The following LTBP2 variants were observed in gnomAD, a reference collection of about 807,000 sequenced individuals.
The protein encoded by LTBP2 is latent transforming growth factor beta binding protein 2.
Under a neutral mutation model 210.6 loss-of-function variants are expected in LTBP2, and 103 were observed. The ratio of observed to expected loss-of-function variants is 0.49; its 90% CI spans 0.42 to 0.58. The LOEUF is 0.58. Ranked by LOEUF, LTBP2 falls within the 20% of genes least tolerant of loss-of-function variation. LTBP2 has a pLI of 0.00. For synonymous variants in LTBP2, 1,007 were observed against 1,015.0 expected, an observed-to-expected ratio of 0.99 and a Z score of 0.15; for missense variants, 2,313 against 2,494.5, an observed-to-expected ratio of 0.93 and a Z score of 1.55.
intron 15 of LTBP2, among the ~76,000 whole-genome samples, chr14:74,524,601 C>T (rs1365304563): frequency 6.6e-6 from 1 of 152,142 alleles, no homozygotes; most frequent in Non-Finnish European, 1.5e-5. Context: ...CCAGGATCGC[C>T]CCCACACCCG....
At chr14:74,550,684 A>G (rs180969792) in intron 7 of LTBP2, among the ~76,000 whole-genome samples, 9 of 152,184 alleles carry the variant, frequency 5.9e-5, no homozygotes, top group Admixed American at 2.6e-4. Flanking sequence ...TGTGACCCCA[A>G]CTGTAGCCTC....
chr14:74,551,328 C>G lies in LTBP2; in HGVS notation c.1422G>C (p.Val474=), dbSNP rs577223452. 2 of 1,584,992 alleles carry G rather than the reference C, an allele frequency of 1.3e-6. No homozygotes were observed. The highest frequency in any genetic ancestry group is 2.7e-5 in the African/African-American group (2 of 74,570). The change falls in exon 7 of 36, where the codon GTG becomes GTC. Residue 474 remains valine (V), a synonymous_variant. Transcript: ENST00000261978. ...NQLASVNPSL[V]KVHIHHPPEA... is the part of the protein sequence containing the mutation. ...CGGGTGGGTGGTGAATGTGCACCTTCACCAGGGAGGGGTTCACGGAGGCTG... is the reference window on the plus strand; with the variant it reads ...CGGGTGGGTGGTGAATGTGCACCTTGACCAGGGAGGGGTTCACGGAGGCTG...
chr14:74,540,820 ATTTT>A (rs1176431985), intron 8 of LTBP2, among the ~76,000 whole-genome samples: 7 of 19,526 alleles, frequency 3.6e-4, no homozygotes, highest in South Asian at 1.2e-3. Flanking sequence ...ATATATATAT[ATTTT>A]TATATAATAT....
In LTBP2 at chr14:74,611,471, C is replaced by CA; in HGVS notation, c.473_474insT (p.Pro159AlafsTer67). 6.7e-7 allele frequency: 1 copy of CA among 1,494,694 alleles called. No individual in the cohort carries two copies. Among genetic ancestry groups the CA allele is most frequent in the East Asian group, 2.5e-5 (1 of 39,850 alleles). 92.6% of individuals were successfully genotyped at this position (1,494,694 alleles called of 1,614,324 possible). On this transcript the variant is annotated frameshift_variant, in exon 1 of 36. Transcript: ENST00000261978. LOFTEE classifies it high-confidence loss of function. ...CTCACCCCGTGAGCCGCCCTCGCGG[C>CA]GGGGTTGGGGGCGCAGCCCCAGACC...
At chr14:74,556,763 C>G (rs908529875) in intron 3 of LTBP2, among the ~76,000 whole-genome samples, 1 of 152,182 alleles carries the variant, frequency 6.6e-6, no homozygotes, top group Admixed American at 6.5e-5. Context: ...GGTGATCCGC[C>G]CACCTTGGCC....
At chr14:74,503,869 T>C in intron 31 of LTBP2, 57 bp downstream of exon 31, 1 of 1,600,644 alleles carries the variant, frequency 6.2e-7, no homozygotes, top group Non-Finnish European at 8.5e-7. Context: ...AGGGGCTGGG[T>C]GGGCCATTAT....
At chr14:74,558,635 C>G (rs2087757955) in intron 3 of LTBP2, among the ~76,000 whole-genome samples, 1 of 152,048 alleles carries the variant, frequency 6.6e-6, no homozygotes, top group Admixed American at 6.5e-5. Context: ...GCTCTCCAGT[C>G]TGGTCAGGAT....
intron 19 of LTBP2, 137 bp from the exon 20 acceptor site, chr14:74,510,350 G>A (rs1238921870): frequency 3.1e-6 from 4 of 1,283,352 alleles, no homozygotes; most frequent in Non-Finnish European, 4.4e-6. Flanking sequence ...GGGAGGCCAT[G>A]AGGCCATGCT....
intron 3 of LTBP2, among the ~76,000 whole-genome samples, chr14:74,571,907 A>G (rs1303933967): frequency 6.6e-6 from 1 of 152,104 alleles, no homozygotes; most frequent in African/African-American, 2.4e-5. Flanking sequence ...CTTTTCAAAA[A>G]GTACTCCACT....
In LTBP2 at chr14:74,499,546, C is replaced by T; in HGVS notation, c.*1338G>A. 4.4e-6 allele frequency: 1 copy of T among 228,948 alleles called. No homozygotes were observed. The highest frequency in any genetic ancestry group is 8.7e-6 in the Non-Finnish European group (1 of 115,350). 14.2% of individuals were successfully genotyped at this position (228,948 alleles called of 1,614,324 possible). A position where few individuals can be genotyped will look rare whatever the true frequency, so the allele number is the denominator to read the frequency against. Reference sequence around the variant, plus strand: ...ACTTCCATGCTCCAGTCACATGGAGCCTTGTTCATTTACATTGCCATTCAT... The same window carrying T: ...ACTTCCATGCTCCAGTCACATGGAGTCTTGTTCATTTACATTGCCATTCAT... On this transcript the variant is annotated 3_prime_UTR_variant, in exon 36 of 36. Coordinates refer to ENST00000261978, the MANE Select transcript of LTBP2 (RefSeq NM_000428.3).
At position 74,586,419 on chromosome 14, in the gene LTBP2, G is replaced by A. The variant is rs1003908218; in HGVS notation, c.566-301C>T. 2.6e-5 allele frequency among the ~76,000 whole-genome samples: 4 copies of A among 152,180 alleles called. No homozygotes were observed. Among genetic ancestry groups the A allele is most frequent in the Admixed American group, 1.3e-4 (2 of 15,282 alleles). ...AAGAGGAAGTGCACTGCCTGACACT[G>A]TGTCTATACTGAAATGTTCACTCCC... is the stretch of plus-strand genomic sequence containing the variant. On this transcript the variant is annotated intron_variant, in intron 2 of 35. Coordinates refer to ENST00000261978, the MANE Select transcript of LTBP2 (RefSeq NM_000428.3). This position sits in a 1 kb window ranked among gnomAD's most constrained non-coding sequence, Gnocchi z 4.6.
intron 3 of LTBP2, among the ~76,000 whole-genome samples, chr14:74,564,089 ATATATATATT>A (rs1566640446): frequency 6.1e-4 from 16 of 26,444 alleles, no homozygotes; most frequent in African/African-American, 1.1e-3. Context: ...ATATATATTT[ATATATATATT>A]TATATATATA....
chr14:74,506,845 G>A (rs1566614217), intron 26 of LTBP2, 22 bp from the exon 27 acceptor site: 6 of 1,611,228 alleles, frequency 3.7e-6, no homozygotes, highest in Non-Finnish European at 5.1e-6. Context: ...TGGGAACCAG[G>A]ATAGAGGATG....
chr14:74,545,684 A>G (rs1436989753), intron 8 of LTBP2, among the ~76,000 whole-genome samples: 9 of 152,232 alleles, frequency 5.9e-5, no homozygotes, highest in Non-Finnish European at 1.3e-4. Flanking sequence ...TTCTCAGATG[A>G]AAACTCAAAA....
At chr14:74,543,166 C>T (rs1054297016) in intron 8 of LTBP2, among the ~76,000 whole-genome samples, 3 of 151,650 alleles carry the variant, frequency 2.0e-5, no homozygotes, top group Non-Finnish European at 4.4e-5. Flanking sequence ...ATCACGAGGT[C>T]GGGAGATTGA....
Position 74,611,954 on chromosome 14 carries a change from C to A in LTBP2, c.-10G>T, listed in dbSNP as rs1209899642. 3.2e-6 allele frequency: 5 copies of A among 1,567,556 alleles called. No homozygotes were observed. Among genetic ancestry groups the A allele is most frequent in the Non-Finnish European group, 4.3e-6 (5 of 1,162,592 alleles). ...TGGTCCGCGGCCTCATGGCGCGGGGCGGCTGGAGAGTGGTGCGCGCGGGCA... is the reference window on the plus strand; with the variant it reads ...TGGTCCGCGGCCTCATGGCGCGGGGAGGCTGGAGAGTGGTGCGCGCGGGCA... On this transcript the variant is annotated 5_prime_UTR_variant, in exon 1 of 36. Transcript: ENST00000261978.
At chr14:74,525,655 G>A (rs973970620) in intron 14 of LTBP2, among the ~76,000 whole-genome samples, 7 of 152,208 alleles carry the variant, frequency 4.6e-5, no homozygotes, top group Admixed American at 1.3e-4. Flanking sequence ...GTCTTCTACC[G>A]TTTTACAAGA....
chr14:74,583,291 C>A (rs1000562614), intron 3 of LTBP2, among the ~76,000 whole-genome samples: 1 of 152,236 alleles, frequency 6.6e-6, no homozygotes, highest in African/African-American at 2.4e-5. Flanking sequence ...TCTGGACACA[C>A]AGGGCTTGTC....
chr14:74,566,279 G>A (rs1028292292), intron 3 of LTBP2, among the ~76,000 whole-genome samples: 2 of 152,176 alleles, frequency 1.3e-5, no homozygotes, highest in Non-Finnish European at 2.9e-5. Context: ...GAACACCAAC[G>A]CTTAAGAGGC....
Sources: allele counts gnomAD v4.1 joint callset (sites outside exome capture counted in the v4.1 genomes callset), GRCh38; gene constraint gnomAD v4.1.1; non-coding constraint Gnocchi (gnomAD v3.1); transcripts MANE v1.5; gene names NCBI Gene and HGNC (gene_info 2026-07-23, HGNC 2026-07-21).